ZNF730: variants seen among roughly 807,000 people sequenced by gnomAD.
The protein encoded by ZNF730 is zinc finger protein 730, also known as putative zinc finger protein 730.
A neutral mutation model predicts 12.6 loss-of-function variants in ZNF730; 12 were observed. That is an observed-to-expected ratio of 0.95 (90% CI 0.61 to 1.54). The LOEUF is 1.54. Among genes scored for constraint, ZNF730 ranks in the 40% most tolerant of loss-of-function variants. The pLI, the probability that ZNF730 is intolerant of heterozygous loss-of-function variation, is 0.00. For synonymous variants in ZNF730, 194 were observed against 195.8 expected, an observed-to-expected ratio of 0.99 and a Z score of 0.08; for missense variants, 643 against 583.5, an observed-to-expected ratio of 1.10 and a Z score of -1.05.
At chr19:23,141,394 CAA>C (rs372825703) in intron 3 of ZNF730, among the ~76,000 whole-genome samples, 6 of 120,224 alleles carry the variant, frequency 5.0e-5, no homozygotes, top group African/African-American at 3.0e-5. Context: ...GACTCCGTCT[CAA>C]AAAAAAAAAA....
At chr19:23,116,871 C>A (rs1349795336), upstream of ZNF730, 2 of 344,076 alleles carry the variant, frequency 5.8e-6, no homozygotes, top group East Asian at 6.6e-5. Context: ...CCTACGCTGT[C>A]ACTCTTCATT....
intron 1 of ZNF730, among the ~76,000 whole-genome samples, chr19:23,121,337 T>TTG (rs3048873): frequency 1.7e-3 from 258 of 150,720 alleles, no homozygotes; most frequent in South Asian, 9.9e-3. Flanking sequence ...TCTAAGAACT[T>TTG]TGTGTGTGTG....
intron 3 of ZNF730, among the ~76,000 whole-genome samples, chr19:23,144,497 G>A (rs1970974248): frequency 6.6e-6 from 1 of 151,856 alleles, no homozygotes; most frequent in Non-Finnish European, 1.5e-5. Context: ...TCAAGAGATC[G>A]AGACCATCCT....
At chr19:23,088,608 C>G (rs1304972006) in intron 1 of ZNF730, among the ~76,000 whole-genome samples, 1 of 150,972 alleles carries the variant, frequency 6.6e-6, no homozygotes, top group African/African-American at 2.4e-5. Context: ...GGACTACAGG[C>G]GTGTGCTACC....
At chr19:23,123,321 G>C (rs1426638915) in intron 1 of ZNF730, 3 of 152,610 alleles carry the variant, frequency 2.0e-5, no homozygotes, top group South Asian at 2.1e-4. Flanking sequence ...TGTAATCCCA[G>C]CACTTTGGGA....
intron 1 of ZNF730, among the ~76,000 whole-genome samples, chr19:23,090,027 C>G (rs1970129814): frequency 6.6e-6 from 1 of 152,088 alleles, no homozygotes; most frequent in Non-Finnish European, 1.5e-5. Context: ...GAGGGCAGAC[C>G]ACGAGGTCAA....
chr19:23,116,316 TTTCTTTTCTTTC>T (rs1439484607), upstream of ZNF730, among the ~76,000 whole-genome samples: 1 of 31,100 alleles, frequency 3.2e-5, no homozygotes, highest in Non-Finnish European at 1.1e-4. Flanking sequence ...TTTCTTTTCT[TTTCTTTTCTTTC>T]TTTCTTTCCT....
intron 1 of ZNF730, among the ~76,000 whole-genome samples, chr19:23,109,668 CT>C (rs1211929124): frequency 6.6e-6 from 1 of 152,116 alleles, no homozygotes; most frequent in Non-Finnish European, 1.5e-5. Flanking sequence ...CCGCCTCAGG[CT>C]CCCCAAGTGC....
intron 1 of ZNF730, among the ~76,000 whole-genome samples, chr19:23,097,625 C>T (rs1415754912): frequency 6.6e-6 from 1 of 152,094 alleles, no homozygotes; most frequent in Non-Finnish European, 1.5e-5. Flanking sequence ...TTTGATAAAG[C>T]TCTCCTTTCT....
chr19:23,078,708 C>A (rs950092690), intron 1 of ZNF730, among the ~76,000 whole-genome samples: 1 of 152,214 alleles, frequency 6.6e-6, no homozygotes, highest in African/African-American at 2.4e-5. Context: ...TTTTCTCAGT[C>A]TCTCGTCCCA....
intron 1 of ZNF730, among the ~76,000 whole-genome samples, chr19:23,109,440 CATCT>C (rs2145568373): frequency 6.6e-6 from 1 of 150,794 alleles, no homozygotes; most frequent in African/African-American, 2.4e-5. Context: ...GCGGAGTCTC[CATCT>C]GTCACCCAGG....
chr19:23,144,205 G>C (rs1182820691), intron 3 of ZNF730: 2 of 151,356 alleles, frequency 1.3e-5, no homozygotes, highest in African/African-American at 2.4e-5. Flanking sequence ...GCCCTGTTTT[G>C]TATATATTGT....
intron 1 of ZNF730, among the ~76,000 whole-genome samples, chr19:23,130,208 C>T (rs1970729776): frequency 6.6e-6 from 1 of 152,080 alleles, no homozygotes; most frequent in Admixed American, 6.6e-5. Context: ...CTGCGCTGTT[C>T]TCGTGATAGT....
At chr19:23,099,461 T>A (rs938117865) in intron 1 of ZNF730, among the ~76,000 whole-genome samples, 7 of 152,204 alleles carry the variant, frequency 4.6e-5, no homozygotes, top group African/African-American at 1.2e-4. Context: ...TGTCATCTGC[T>A]TAAATAAACA....
intron 1 of ZNF730, among the ~76,000 whole-genome samples, chr19:23,082,472 G>C (rs1482027811): frequency 6.6e-6 from 1 of 150,462 alleles, no homozygotes; most frequent in South Asian, 2.1e-4. Flanking sequence ...TCAGCCTCCC[G>C]AGTAGCTAGG....
intron 1 of ZNF730, among the ~76,000 whole-genome samples, chr19:23,085,496 C>CT (rs58871710): frequency 0.017 from 906 of 52,782 alleles, 47 homozygotes; most frequent in East Asian, 0.034. Flanking sequence ...CCATGCCCGT[C>CT]TTTTTTTTTT....
intron 1 of ZNF730, among the ~76,000 whole-genome samples, chr19:23,089,684 TA>T (rs1290535460): frequency 6.6e-6 from 1 of 152,210 alleles, no homozygotes; most frequent in African/African-American, 2.4e-5. Context: ...TAAGTCCAAT[TA>T]AACCGCTTTT....
intron 2 of ZNF730, among the ~76,000 whole-genome samples, chr19:23,135,520 ATT>A (rs1194289700): frequency 6.6e-6 from 1 of 151,630 alleles, no homozygotes; most frequent in African/African-American, 2.4e-5. Flanking sequence ...TATTTTTTTT[ATT>A]TTTTTGGAGA....
rs574442561 is a variant in ZNF730 at position 23,146,049 on chromosome 19, T to G, written c.1005T>G (p.Asn335Lys). 1.3e-4 allele frequency: 205 copies of G among 1,611,646 alleles called. No individual in the cohort carries two copies. The South Asian group carries it at 2.1e-3, about 17-fold the overall frequency. Reference sequence around the variant, plus strand: ...TTACAAAACATAAAAGAATTCATAATGGAGAAAAACCCTACAAATGTGAAG... The same window carrying G: ...TTACAAAACATAAAAGAATTCATAAGGGAGAAAAACCCTACAAATGTGAAG... ...STLTKHKRIHNGEKPYKCEEC... is the reference protein window; with the variant it reads ...STLTKHKRIHKGEKPYKCEEC... The change falls in exon 4 of 4, where the codon AAT becomes AAG. Residue 335 changes from asparagine to lysine, a missense_variant. Physicochemically the swap from Asn to Lys is moderately conservative, Grantham distance 94. Transcript: ENST00000597761.
Sources: gnomAD v4.1 joint callset for allele counts (sites outside exome capture counted in the v4.1 genomes callset) on GRCh38, gnomAD v4.1.1 for gene constraint, MANE v1.5 for transcripts, NCBI Gene and HGNC (gene_info 2026-07-23, HGNC 2026-07-21) for gene names.